The following AXDND1 variants were observed in gnomAD, a reference collection of about 807,000 sequenced individuals.
AXDND1 encodes the protein axonemal dynein light chain domain containing 1.
Under a neutral mutation model 137.5 loss-of-function variants are expected in AXDND1, and 110 were observed. The observed-to-expected ratio is 0.80, with a 90% CI of 0.69 to 0.94. The LOEUF (loss-of-function observed/expected upper bound fraction) is 0.94. Among genes scored for constraint, AXDND1 ranks in the 40% least tolerant of loss-of-function variants. The pLI, the probability that AXDND1 is intolerant of heterozygous loss-of-function variation, is 0.00. For synonymous variants in AXDND1, 414 were observed against 399.7 expected, an observed-to-expected ratio of 1.04 and a Z score of -0.43; for missense variants, 1,191 against 1,169.8, an observed-to-expected ratio of 1.02 and a Z score of -0.26.
Position 179,378,837 on chromosome 1 carries a change from A to G in AXDND1, c.495+80A>G, listed in dbSNP as rs1647742943. The G allele has an allele frequency of 9.8e-6, 11 of 1,126,818 alleles. No homozygotes were observed. In the South Asian group the frequency reaches 2.9e-4, roughly 30 times the overall value. The allele number at this position is 1,126,818 out of a possible 1,614,324, so 69.8% of individuals were successfully genotyped here. On this transcript the variant is annotated intron_variant, in intron 5 of 25. Transcript: ENST00000367618. ...CATTTTAAAATGATTTTTAATATAA[A>G]TATAAAATATAAAACAACGTCATAC...
At chr1:179,537,727 TC>T (rs1197464645) in intron 25 of AXDND1, among the ~76,000 whole-genome samples, 1 of 152,180 alleles carries the variant, frequency 6.6e-6, no homozygotes, top group East Asian at 1.9e-4. Context: ...TAGGCAGGAT[TC>T]CCTTTTTTTT....
chr1:179,454,299 C>T (rs1660966644), intron 16 of AXDND1: 1 of 152,808 alleles, frequency 6.5e-6, no homozygotes, highest in African/African-American at 2.4e-5. Flanking sequence ...TTTCCCTACA[C>T]AAGCTTTCTT....
In AXDND1 at chr1:179,445,127, G is replaced by T. The variant is rs62624964; in HGVS notation, c.1721G>T (p.Arg574Leu). 7.2e-4 allele frequency: 1,167 copies of T among 1,613,174 alleles called. 6 individuals carry two copies. In the African/African-American group the frequency reaches 0.013, roughly 18 times the overall value. The change falls in exon 16 of 26, where the codon CGA (arginine) becomes CTA (leucine). Residue 574 changes from arginine to leucine, a missense_variant. By Grantham distance (102) the Arg-to-Leu change is moderately radical. Coordinates refer to ENST00000367618, the MANE Select transcript of AXDND1 (RefSeq NM_144696.6). ...KSLEGEMPSERQYMEEIIKNI... is the reference protein window; with the variant it reads ...KSLEGEMPSELQYMEEIIKNI... Reference sequence around the variant, plus strand: ...TTGGAGGGGGAGATGCCATCAGAGCGACAGTACATGGAGGAAATTATCAAA... The same window carrying T: ...TTGGAGGGGGAGATGCCATCAGAGCTACAGTACATGGAGGAAATTATCAAA...
intron 15 of AXDND1, among the ~76,000 whole-genome samples, 158 bp from the exon 16 acceptor site, chr1:179,444,812 A>G (rs568899263): frequency 6.6e-6 from 1 of 152,170 alleles, no homozygotes; most frequent in Admixed American, 6.5e-5. Context: ...TAATTTAAAA[A>G]TAAGATATAT....
intron 16 of AXDND1, among the ~76,000 whole-genome samples, chr1:179,447,307 T>C (rs527635879): frequency 6.6e-6 from 1 of 152,348 alleles, no homozygotes; most frequent in Admixed American, 6.5e-5. Flanking sequence ...AGTGAGAACA[T>C]GCAATATCTA....
At chr1:179,459,816 C>T (rs140737554) in intron 16 of AXDND1, among the ~76,000 whole-genome samples, 3,108 of 98,758 alleles carry the variant, frequency 0.031, 224 homozygotes, top group East Asian at 0.1. Context: ...TCCTTCCTTC[C>T]TTCTCTTTTT....
intron 11 of AXDND1, among the ~76,000 whole-genome samples, chr1:179,405,664 G>A (rs1652846796): frequency 1.3e-5 from 2 of 151,870 alleles, no homozygotes; most frequent in African/African-American, 2.4e-5. Context: ...ATTTGTTAGT[G>A]GATTGTTGTT....
rs1489939788 is a variant in AXDND1, at chr1:179,386,043, T to C, written c.863+684T>C. 7.6e-5 allele frequency among the ~76,000 whole-genome samples: 11 copies of C among 144,666 alleles called. No homozygotes were observed. The Admixed American group carries it at 7.9e-4, about 10-fold the overall frequency. 94.9% of individuals were successfully genotyped at this position (144,666 alleles called of 152,430 possible). ...GTTTTTCCTGGAGCTGATTTTAGGA[T>C]TTTTTCCTTTTTTTTTTTTTTTTTT... On this transcript the variant is annotated intron_variant, in intron 9 of 25. Coordinates refer to ENST00000367618, the MANE Select transcript of AXDND1 (RefSeq NM_144696.6).
At chr1:179,393,814 T>C in intron 9 of AXDND1, 89 bp from the exon 10 acceptor site, 1 of 1,193,514 alleles carries the variant, frequency 8.4e-7, no homozygotes, top group Non-Finnish European at 1.1e-6. Context: ...ATAGCAGTGC[T>C]ACTGATTTGT....
chr1:179,473,481 G>A (rs1018297501), intron 17 of AXDND1, among the ~76,000 whole-genome samples: 4 of 152,064 alleles, frequency 2.6e-5, no homozygotes, highest in African/African-American at 9.7e-5. Context: ...CTGAGCAACA[G>A]CAGTGAAACT....
chr1:179,537,327 G>C (rs902381880), intron 25 of AXDND1, among the ~76,000 whole-genome samples: 3 of 152,140 alleles, frequency 2.0e-5, no homozygotes, highest in African/African-American at 7.2e-5. Flanking sequence ...TATGATATTG[G>C]CTGTGGGTTT....
chr1:179,396,183 A>G (rs1292882593), intron 11 of AXDND1, among the ~76,000 whole-genome samples: 1 of 151,784 alleles, frequency 6.6e-6, no homozygotes, highest in Non-Finnish European at 1.5e-5. Context: ...AAAGAAAAAA[A>G]AAAAAAAAGA....
chr1:179,422,134 T>G (rs1320039083), intron 12 of AXDND1, among the ~76,000 whole-genome samples: 1 of 152,168 alleles, frequency 6.6e-6, no homozygotes, highest in East Asian at 1.9e-4. Flanking sequence ...GTTATCTGTA[T>G]TATTTCTTTC....
intron 9 of AXDND1, among the ~76,000 whole-genome samples, chr1:179,387,256 C>T (rs1649366369): frequency 6.6e-6 from 1 of 152,100 alleles, no homozygotes; most frequent in South Asian, 2.1e-4. Context: ...TATTGGCTCA[C>T]AGTTTGGGAA....
intron 4 of AXDND1, among the ~76,000 whole-genome samples, chr1:179,370,406 T>C (rs1445989782): frequency 6.6e-6 from 1 of 152,240 alleles, no homozygotes; most frequent in Non-Finnish European, 1.5e-5. Flanking sequence ...AGAATGCCTT[T>C]AGTGCTCCTT....
chr1:179,448,101 C>T, intron 16 of AXDND1: 1 of 925,794 alleles, frequency 1.1e-6, no homozygotes, highest in Non-Finnish European at 1.7e-6. Context: ...TATCAAATTC[C>T]TCATTAATTA....
intron 4 of AXDND1, among the ~76,000 whole-genome samples, chr1:179,372,096 A>G (rs1226024805): frequency 6.6e-6 from 1 of 152,244 alleles, no homozygotes; most frequent in Non-Finnish European, 1.5e-5. Flanking sequence ...TTATGGCACC[A>G]ATAGAAAACT....
At chr1:179,508,439 G>A (rs1558284022) in intron 20 of AXDND1, among the ~76,000 whole-genome samples, 3 of 152,118 alleles carry the variant, frequency 2.0e-5, no homozygotes, top group Admixed American at 6.5e-5. Context: ...ACATGCTGCC[G>A]TTTTTTGGCT....
intron 22 of AXDND1, 35 bp from the exon 23 acceptor site, chr1:179,528,292 G>T: frequency 6.6e-7 from 1 of 1,515,674 alleles, no homozygotes. Context: ...TGCTACACCA[G>T]CTTGCTAACA....
Sources: gnomAD v4.1 joint callset for allele counts (sites outside exome capture counted in the v4.1 genomes callset) on GRCh38, gnomAD v4.1.1 for gene constraint, MANE v1.5 for transcripts, NCBI Gene and HGNC (gene_info 2026-07-23, HGNC 2026-07-21) for gene names.